The following GPR160 variants were observed in gnomAD, a reference collection of about 807,000 sequenced individuals.
The protein encoded by GPR160 is probable G protein-coupled receptor 160.
A neutral mutation model predicts 2.6 loss-of-function variants in GPR160; 2 were observed. That is an observed-to-expected ratio of 0.77 (90% confidence interval 0.32 to 2.44). GPR160 has a LOEUF of 2.44. GPR160 is among the 30% of genes most tolerant of loss of function. GPR160 has a pLI of 0.11. For missense variants in GPR160, 351 were observed against 383.6 expected (o/e 0.91, Z 0.71); for synonymous variants, 130 against 132.2 (o/e 0.98, Z 0.12).
intron 2 of GPR160, among the ~76,000 whole-genome samples, chr3:170,040,801 G>A (rs1716413119): frequency 6.6e-6 from 1 of 152,226 alleles, no homozygotes; most frequent in South Asian, 2.1e-4. Flanking sequence ...TATTGCTTGA[G>A]AGAGAGCTTA....
chr3:170,045,408 CAAAAAAAAAAAAAAAAAAAAAAA>C (rs368019452), intron 2 of GPR160, among the ~76,000 whole-genome samples: 26 of 33,640 alleles, frequency 7.7e-4, no homozygotes, highest in Non-Finnish European at 9.4e-4. Context: ...ACTAAAAATA[CAAAAAAAAAAAAAAAAAAAAAAA>C]AAAAAAAAAA....
At chr3:170,058,285 G>T (rs748209559) in intron 2 of GPR160, among the ~76,000 whole-genome samples, 1 of 152,126 alleles carries the variant, frequency 6.6e-6, no homozygotes. Context: ...CCCAGCTGAC[G>T]GCACCCATAT....
At chr3:170,059,119 G>A (rs1419856356) in intron 2 of GPR160, among the ~76,000 whole-genome samples, 6 of 152,086 alleles carry the variant, frequency 3.9e-5, no homozygotes, top group Admixed American at 3.9e-4. Flanking sequence ...TAGGGGGTGG[G>A]TGGATATTAG....
chr3:170,047,096 G>A (rs1358108623), intron 2 of GPR160, among the ~76,000 whole-genome samples: 2 of 152,110 alleles, frequency 1.3e-5, no homozygotes, highest in African/African-American at 4.8e-5. Flanking sequence ...GGGGGCAGTG[G>A]GAGGAAGAGA....
chr3:170,058,044 A>C (rs1711730192), intron 2 of GPR160: 1 of 152,276 alleles, frequency 6.6e-6, no homozygotes, highest in African/African-American at 2.4e-5. Context: ...AAGTATGTTT[A>C]GAATTCTTAC....
intron 2 of GPR160, among the ~76,000 whole-genome samples, chr3:170,075,897 GA>G (rs1445716951): frequency 1.3e-5 from 2 of 152,102 alleles, no homozygotes; most frequent in Non-Finnish European, 2.9e-5. Flanking sequence ...GGGTTGGTGG[GA>G]ATTACTCCTG....
chr3:170,064,611 C>T (rs1712213634), intron 2 of GPR160, among the ~76,000 whole-genome samples: 1 of 150,744 alleles, frequency 6.6e-6, no homozygotes, highest in Non-Finnish European at 1.5e-5. Context: ...CTCCACCTCC[C>T]GCGTTAAAGC....
intron 2 of GPR160, among the ~76,000 whole-genome samples, chr3:170,047,260 C>T (rs1230026166): frequency 6.6e-6 from 1 of 152,152 alleles, no homozygotes; most frequent in African/African-American, 2.4e-5. Flanking sequence ...CCGCATCCCC[C>T]CAAGCCTGCA....
intron 2 of GPR160, among the ~76,000 whole-genome samples, chr3:170,044,338 A>AAAAAAAAAG: frequency 6.6e-6 from 1 of 151,554 alleles, no homozygotes; most frequent in South Asian, 2.1e-4. Flanking sequence ...AAAAAAAAAA[A>AAAAAAAAAG]AGAGAAGAGA....
chr3:170,050,814 AG>A (rs1174953476), intron 2 of GPR160, among the ~76,000 whole-genome samples: 1 of 152,240 alleles, frequency 6.6e-6, no homozygotes, highest in Admixed American at 6.5e-5. Flanking sequence ...AGTAGCATAC[AG>A]TTTTATAAAT....
intron 2 of GPR160, among the ~76,000 whole-genome samples, chr3:170,049,453 G>A (rs774519687): frequency 3.3e-5 from 5 of 152,214 alleles, no homozygotes; most frequent in Non-Finnish European, 5.9e-5. Flanking sequence ...CCTCAACCCA[G>A]ATTATTTCCT....
At chr3:170,063,571 AAAAC>A (rs1712114163) in intron 2 of GPR160, among the ~76,000 whole-genome samples, 1 of 136,900 alleles carries the variant, frequency 7.3e-6, no homozygotes. Context: ...AAAAAAAAAA[AAAAC>A]CTCAGCACAG....
intron 2 of GPR160, chr3:170,062,901 G>T (rs1712044955): frequency 2.7e-6 from 1 of 375,000 alleles, no homozygotes; most frequent in Non-Finnish European, 4.9e-6. Context: ...GAGCTCTCCC[G>T]GGGCGCCTTT....
intron 2 of GPR160, among the ~76,000 whole-genome samples, chr3:170,049,504 A>G (rs1716865105): frequency 2.0e-5 from 3 of 152,328 alleles, no homozygotes. Flanking sequence ...GTCAAAAGGC[A>G]TGAACGTTTT....
chr3:170,039,514 G>A (rs1041364956), intron 2 of GPR160, among the ~76,000 whole-genome samples: 4 of 152,218 alleles, frequency 2.6e-5, no homozygotes, highest in African/African-American at 9.7e-5. Flanking sequence ...TTCGAGACCA[G>A]CCTGGCCAAC....
chr3:170,061,742 T>G (rs1290006355), intron 2 of GPR160, among the ~76,000 whole-genome samples: 1 of 152,172 alleles, frequency 6.6e-6, no homozygotes, highest in East Asian at 1.9e-4. Flanking sequence ...CTACATGGTT[T>G]TTTATGTTCC....
At chr3:170,040,753 A>G (rs1388674179) in intron 2 of GPR160, among the ~76,000 whole-genome samples, 1 of 152,222 alleles carries the variant, frequency 6.6e-6, no homozygotes, top group Admixed American at 6.5e-5. Flanking sequence ...AAAAGTGTAT[A>G]TGATGAAAAC....
At position 170,038,812 on chromosome 3, in the gene GPR160, A is replaced by G. The variant is rs1716314809; in HGVS notation, c.-321-103A>G. ...TTTTCCGAGGCCGTTGCGTCCGGGT[A>G]GGTTCCTGGATGACCATCCTGGCTG... On this transcript the variant is annotated intron_variant, in intron 1 of 3. Coordinates refer to ENST00000355897, the MANE Select transcript of GPR160 (RefSeq NM_014373.3). This position sits in a 1 kb window ranked among gnomAD's most constrained non-coding sequence, Gnocchi z 5.3. The G allele has an allele frequency of 6.6e-6, 1 of 152,116 alleles. No homozygotes were observed. The highest frequency in any genetic ancestry group is 1.9e-4 in the East Asian group (1 of 5,152). The allele number at this position is 152,116 out of a possible 1,614,324, so 9.4% of individuals were successfully genotyped here.
At chr3:170,062,860 A>G in intron 2 of GPR160, 1 of 474,414 alleles carries the variant, frequency 2.1e-6, no homozygotes, top group Non-Finnish European at 3.8e-6. Flanking sequence ...TGACCTCATC[A>G]ATGACAAAGG....
Sources: gnomAD v4.1 joint callset for allele counts (sites outside exome capture counted in the v4.1 genomes callset) on GRCh38, gnomAD v4.1.1 for gene constraint, Gnocchi (gnomAD v3.1) non-coding constraint, MANE v1.5 for transcripts, NCBI Gene and HGNC (gene_info 2026-07-23, HGNC 2026-07-21) for gene names.